The following PURG variants were observed in gnomAD, a reference collection of about 807,000 sequenced individuals.
PURG encodes purine rich element binding protein G, also known as purine-rich element-binding protein gamma.
Under a neutral mutation model 24.3 loss-of-function variants are expected in PURG, and 3 were observed. The ratio of observed to expected loss-of-function variants is 0.12; its 90% confidence interval spans 0.06 to 0.32. The LOEUF is 0.32. PURG is among the 10% of genes least tolerant of loss of function. The pLI is 1.00. For missense variants in PURG, 371 were observed against 439.1 expected, an observed-to-expected ratio of 0.84 and a Z score of 1.39; for synonymous variants, 180 against 173.1, an observed-to-expected ratio of 1.04 and a Z score of -0.31.
intron 1 of PURG, among the ~76,000 whole-genome samples, chr8:31,025,153 A>G (rs776160402): frequency 6.6e-6 from 1 of 152,000 alleles, no homozygotes; most frequent in Non-Finnish European, 1.5e-5. Flanking sequence ...GTAATTTTTC[A>G]TAAGAAATAT....
chr8:31,020,344 C>T (rs1298751825), intron 1 of PURG, among the ~76,000 whole-genome samples: 2 of 152,130 alleles, frequency 1.3e-5, no homozygotes, highest in African/African-American at 2.4e-5. Context: ...ATGTATGTCA[C>T]AAAATGGAAA....
At chr8:31,006,176 T>G (rs1000605017) in intron 1 of PURG, among the ~76,000 whole-genome samples, 9 of 152,336 alleles carry the variant, frequency 5.9e-5, no homozygotes, top group African/African-American at 1.9e-4. Flanking sequence ...GAAATAACTT[T>G]ATTACACTAC....
intron 1 of PURG, among the ~76,000 whole-genome samples, chr8:31,004,459 C>A (rs1585353314): frequency 6.6e-6 from 1 of 152,036 alleles, no homozygotes; most frequent in East Asian, 1.9e-4. Context: ...ACTTTGGAAG[C>A]CCGAGGTGGG....
rs113193871 is a variant in PURG, at chr8:31,032,043, T to C, written c.740A>G (p.Asp247Gly). ...VQLIEDYGEG[D>G]IEERRGGDDD... ...GTCTCCACCTCTTCGTTCTTCTATGTCTCCTTCGCCATAGTCTTCAATCAG... is the reference window on the plus strand; with the variant it reads ...GTCTCCACCTCTTCGTTCTTCTATGCCTCCTTCGCCATAGTCTTCAATCAG... The change falls in exon 2 of 2, where the codon GAC becomes GGC. Residue 247 changes from aspartate to glycine, a missense_variant. Physicochemically the swap from Asp to Gly is moderately conservative, Grantham distance 94. Transcript: ENST00000523392. The surrounding 1 kb of genome is among the most constrained non-coding windows in gnomAD (Gnocchi z 5.9). The C allele has an allele frequency of 6.2e-7, 1 of 1,614,142 alleles. No individual in the cohort carries two copies. Among genetic ancestry groups the C allele is most frequent in the Non-Finnish European group, 8.5e-7 (1 of 1,180,030 alleles).
At chr8:31,003,429 C>G (rs1810579320) in intron 1 of PURG, among the ~76,000 whole-genome samples, 1 of 151,310 alleles carries the variant, frequency 6.6e-6, no homozygotes, top group Non-Finnish European at 1.5e-5. Flanking sequence ...CATTATAGTA[C>G]TATATGGCTA....
intron 1 of PURG, among the ~76,000 whole-genome samples, chr8:31,011,754 T>C (rs1206605680): frequency 1.3e-5 from 2 of 152,180 alleles, no homozygotes; most frequent in Non-Finnish European, 2.9e-5. Context: ...AGTGAAATAT[T>C]TGTCTTTCCT....
chr8:31,024,334 A>G (rs1811052829), intron 1 of PURG, among the ~76,000 whole-genome samples: 1 of 152,136 alleles, frequency 6.6e-6, no homozygotes, highest in East Asian at 1.9e-4. Context: ...CAGAATTTTA[A>G]ACATTTAGAG....
Position 31,033,219 on chromosome 8 carries a change from C to A in PURG, c.-148G>T, listed in dbSNP as rs943329669. The A allele has an allele frequency of 2.1e-5, 4 of 190,074 alleles. No homozygotes were observed. The highest frequency in any genetic ancestry group is 7.2e-5 in the African/African-American group (3 of 41,944). 11.8% of individuals were successfully genotyped at this position (190,074 alleles called of 1,614,324 possible). ...CGCCGCCGCCGCTCGCACTGCCCCC[C>A]GCCGGAGCAGCCGGGCAGGGGCATC... On this transcript the variant is annotated 5_prime_UTR_variant, in exon 1 of 2. Coordinates refer to ENST00000523392, the MANE Select transcript of PURG (RefSeq NM_001323311.2).
chr8:31,019,866 C>G (rs147610768), intron 1 of PURG, among the ~76,000 whole-genome samples: 1 of 150,848 alleles, frequency 6.6e-6, no homozygotes, highest in Non-Finnish European at 1.5e-5. Flanking sequence ...AGTTCAATTG[C>G]TGATCTAAAG....
chr8:31,029,685 C>T (rs1328794279), downstream of PURG, among the ~76,000 whole-genome samples: 1 of 151,816 alleles, frequency 6.6e-6, no homozygotes, highest in Non-Finnish European at 1.5e-5. Flanking sequence ...ATATTCACAG[C>T]TCCAGTTTGC....
intron 1 of PURG, among the ~76,000 whole-genome samples, chr8:31,003,679 T>C (rs562040839): frequency 5.1e-4 from 78 of 152,164 alleles, no homozygotes; most frequent in African/African-American, 1.9e-3. Flanking sequence ...AAAGAATCGC[T>C]TGAACCTGGG....
Position 31,031,445 on chromosome 8 carries a change from T to C in PURG, c.*294A>G. 1 of 330,814 alleles carries C rather than the reference T, an allele frequency of 3.0e-6. No individual in the cohort carries two copies. The allele number at this position is 330,814 out of a possible 1,614,324, so 20.5% of individuals were successfully genotyped here. ...CATAGTGCAATGTAAATCTTAGTTA[T>C]GGTATTTAGAATGTCAGAATGTCAC... On this transcript the variant is annotated 3_prime_UTR_variant, in exon 2 of 2. Transcript: ENST00000523392.
chr8:31,005,863 T>C (rs907997042), intron 1 of PURG, among the ~76,000 whole-genome samples: 17 of 151,478 alleles, frequency 1.1e-4, no homozygotes, highest in African/African-American at 4.1e-4. Context: ...TAATTATCTA[T>C]GGAGGACACG....
At chr8:31,028,817 A>G (rs1428939332), downstream of PURG, among the ~76,000 whole-genome samples, 1 of 151,886 alleles carries the variant, frequency 6.6e-6, no homozygotes, top group Non-Finnish European at 1.5e-5. Flanking sequence ...TTATATTACT[A>G]CAGTTTGAGC....
chr8:31,013,371 T>C (rs1810798695), intron 1 of PURG, among the ~76,000 whole-genome samples: 1 of 152,218 alleles, frequency 6.6e-6, no homozygotes, highest in South Asian at 2.1e-4. Context: ...TAATAATTGA[T>C]ATATTTGGTA....
At chr8:31,012,030 C>T (rs925248042) in intron 1 of PURG, among the ~76,000 whole-genome samples, 1 of 152,030 alleles carries the variant, frequency 6.6e-6, no homozygotes, top group Non-Finnish European at 1.5e-5. Flanking sequence ...TGTTAAGTAC[C>T]GTGATTCTGA....
At chr8:31,023,346 G>A (rs956068634) in intron 1 of PURG, among the ~76,000 whole-genome samples, 1 of 152,084 alleles carries the variant, frequency 6.6e-6, no homozygotes, top group Non-Finnish European at 1.5e-5. Flanking sequence ...ATATGCACTT[G>A]AAAATACACT....
At chr8:31,013,212 G>A (rs566058979) in intron 1 of PURG, among the ~76,000 whole-genome samples, 1 of 152,172 alleles carries the variant, frequency 6.6e-6, no homozygotes, top group East Asian at 1.9e-4. Flanking sequence ...AACAATAAAT[G>A]GTGATCAACA....
chr8:30,998,986 T>A (rs1486257904), intron 1 of PURG, among the ~76,000 whole-genome samples: 1 of 151,898 alleles, frequency 6.6e-6, no homozygotes, highest in East Asian at 1.9e-4. Context: ...TTATATTTAT[T>A]TTTATTTTGT....
Sources: allele counts gnomAD v4.1 joint callset (sites outside exome capture counted in the v4.1 genomes callset), GRCh38; gene constraint gnomAD v4.1.1; non-coding constraint Gnocchi (gnomAD v3.1); transcripts MANE v1.5; gene names NCBI Gene and HGNC (gene_info 2026-07-23, HGNC 2026-07-21).